The following TAB2 variants were observed in gnomAD, a reference collection of about 807,000 sequenced individuals.
The protein encoded by TAB2 is TGF-beta activated kinase 1 (MAP3K7) binding protein 2, also known as TGF-beta-activated kinase 1 and MAP3K7-binding protein 2.
TAB2 carries 3 observed loss-of-function variants against 65.0 expected under a neutral mutation model. The observed-to-expected ratio is 0.05, with a 90% CI of 0.02 to 0.12. The LOEUF is 0.12. TAB2 is among the 10% of genes least tolerant of loss of function. The pLI is 1.00. For missense variants in TAB2, 623 were observed against 840.3 expected, an observed-to-expected ratio of 0.74 and a Z score of 3.20; for synonymous variants, 298 against 285.1, an observed-to-expected ratio of 1.05 and a Z score of -0.46.
At chr6:149,371,741 A>T (rs1299603077) in intron 2 of TAB2, among the ~76,000 whole-genome samples, 1 of 152,196 alleles carries the variant, frequency 6.6e-6, no homozygotes, top group Non-Finnish European at 1.5e-5. Flanking sequence ...AGCAGCCAAT[A>T]CTAAAAGGAA....
At chr6:149,329,665 T>TG (rs376907875) in intron 1 of TAB2, among the ~76,000 whole-genome samples, 715 of 29,780 alleles carry the variant, frequency 0.024, 6 homozygotes, top group African/African-American at 0.083. Flanking sequence ...TAATTGGAGC[T>TG]GGGGGGGGCG....
chr6:149,254,150 A>G (rs56321862), intron 1 of TAB2, among the ~76,000 whole-genome samples: 21,239 of 145,144 alleles, frequency 0.15, 1,978 homozygotes, highest in East Asian at 0.26. Flanking sequence ...GAAAGGAAAG[A>G]AAAGGAAAGG....
chr6:149,367,391 C>T (rs982553531), intron 1 of TAB2, among the ~76,000 whole-genome samples: 7 of 151,924 alleles, frequency 4.6e-5, no homozygotes, highest in African/African-American at 1.5e-4. Context: ...GCAGCAAATC[C>T]GATAGCCCTA....
chr6:149,335,715 A>G (rs2114764615), intron 1 of TAB2, among the ~76,000 whole-genome samples: 1 of 152,176 alleles, frequency 6.6e-6, no homozygotes, highest in South Asian at 2.1e-4. Flanking sequence ...GCAACTTGGC[A>G]GGGCTCTTTG....
chr6:149,234,170 A>G (rs1468320491), intron 1 of TAB2, among the ~76,000 whole-genome samples: 5 of 152,226 alleles, frequency 3.3e-5, no homozygotes, highest in African/African-American at 9.6e-5. Context: ...GGAGGTTTTC[A>G]ATAACATTTT....
At chr6:149,399,530 T>TCCCCC (rs71681301) in intron 6 of TAB2, among the ~76,000 whole-genome samples, 8 of 149,286 alleles carry the variant, frequency 5.4e-5, no homozygotes, top group African/African-American at 1.7e-4. Flanking sequence ...TTAGGGAAGT[T>TCCCCC]CCCCCCCCCC....
chr6:149,287,850 T>G (rs374189768), intron 1 of TAB2, among the ~76,000 whole-genome samples: 7 of 152,346 alleles, frequency 4.6e-5, no homozygotes, highest in Admixed American at 2.0e-4. Context: ...GCATGGGGCA[T>G]GTTATTTATA....
intron 1 of TAB2, among the ~76,000 whole-genome samples, chr6:149,345,650 G>A (rs1167044179): frequency 2.0e-5 from 3 of 152,110 alleles, no homozygotes; most frequent in Non-Finnish European, 4.4e-5. Flanking sequence ...AGAATAATTA[G>A]TGTGTGTATA....
At position 149,331,260 on chromosome 6, in the gene TAB2, TA is replaced by T. The variant is rs765958470; in HGVS notation, c.-90+13250del. On this transcript the variant is annotated intron_variant, in intron 1 of 6. Transcript: ENST00000637181. ...TGTCAGCATTTTTTAGTTTCTAGCA[TA>T]AAAATCCCGTGCATGTTTTGTTAGA... Among the ~76,000 whole-genome samples, 7 of 152,152 alleles carry T rather than the reference TA, an allele frequency of 4.6e-5. No homozygotes were observed. The East Asian group carries it at 5.8e-4, about 13-fold the overall frequency.
chr6:149,388,472 G>C (rs750859471), intron 3 of TAB2, among the ~76,000 whole-genome samples: 25 of 152,178 alleles, frequency 1.6e-4, no homozygotes, highest in Admixed American at 7.2e-4. Context: ...TCTCTAAAGA[G>C]ATTTTACCAG....
intron 1 of TAB2, among the ~76,000 whole-genome samples, chr6:149,327,513 C>A (rs879890997): frequency 2.0e-5 from 3 of 152,114 alleles, no homozygotes; most frequent in East Asian, 3.9e-4. Context: ...TAAACATGAG[C>A]GTCTGCTGTT....
intron 1 of TAB2, among the ~76,000 whole-genome samples, chr6:149,353,856 G>A (rs1313629287): frequency 2.0e-5 from 3 of 152,220 alleles, no homozygotes; most frequent in Admixed American, 1.3e-4. Flanking sequence ...TATATATAGA[G>A]AGTGAGAGAT....
At chr6:149,293,307 C>T (rs1778810570) in intron 1 of TAB2, among the ~76,000 whole-genome samples, 1 of 152,106 alleles carries the variant, frequency 6.6e-6, no homozygotes, top group Non-Finnish European at 1.5e-5. Flanking sequence ...TTATATAAAT[C>T]TACCATCTGA....
At chr6:149,396,232 G>A (rs1428473627) in intron 3 of TAB2, among the ~76,000 whole-genome samples, 1 of 152,132 alleles carries the variant, frequency 6.6e-6, no homozygotes, top group Non-Finnish European at 1.5e-5. Context: ...TGGCCAGTCT[G>A]GTCTCGAACT....
chr6:149,342,952 A>G (rs1383334112), intron 1 of TAB2: 1 of 152,226 alleles, frequency 6.6e-6, no homozygotes, highest in African/African-American at 2.4e-5. Context: ...AAAGTATAGT[A>G]ACACTAACAT....
chr6:149,270,047 G>A (rs1167794235), intron 1 of TAB2, among the ~76,000 whole-genome samples: 3 of 152,214 alleles, frequency 2.0e-5, no homozygotes, highest in Non-Finnish European at 4.4e-5. Flanking sequence ...GTGCCATTTT[G>A]CAGCCACATC....
intron 1 of TAB2, among the ~76,000 whole-genome samples, chr6:149,231,790 G>A (rs1473761960): frequency 6.6e-6 from 1 of 152,198 alleles, no homozygotes; most frequent in Non-Finnish European, 1.5e-5. Flanking sequence ...CCTCAAGTAA[G>A]AGGAAGCTCA....
At chr6:149,270,667 A>C (rs1483055465) in intron 1 of TAB2, among the ~76,000 whole-genome samples, 1 of 152,240 alleles carries the variant, frequency 6.6e-6, no homozygotes, top group East Asian at 1.9e-4. Flanking sequence ...AAAAATTAAC[A>C]CATTTTTAAA....
At chr6:149,393,110 A>G (rs1782048020) in intron 3 of TAB2, among the ~76,000 whole-genome samples, 1 of 152,220 alleles carries the variant, frequency 6.6e-6, no homozygotes, top group African/African-American at 2.4e-5. Flanking sequence ...AGCCACTTAG[A>G]AGAAAAAATT....
Sources: gnomAD v4.1 joint callset for allele counts (sites outside exome capture counted in the v4.1 genomes callset) on GRCh38, gnomAD v4.1.1 for gene constraint, MANE v1.5 for transcripts, NCBI Gene and HGNC (gene_info 2026-07-23, HGNC 2026-07-21) for gene names.